Variants in BRWD1 observed in about 807,000 individuals in gnomAD.
The protein encoded by BRWD1 is bromodomain and WD repeat domain containing 1.
A neutral mutation model predicts 251.2 loss-of-function variants in BRWD1; 82 were observed. That is an observed-to-expected ratio of 0.33 (90% CI 0.27 to 0.39). The LOEUF (loss-of-function observed/expected upper bound fraction) is 0.39, where lower values mean the gene tolerates loss of function less well. Among genes scored for constraint, BRWD1 ranks in the 10% least tolerant of loss-of-function variants. The pLI is 1.00. For missense variants in BRWD1, 2,233 were observed against 2,711.6 expected (o/e 0.82, Z 3.92); for synonymous variants, 918 against 902.8 (o/e 1.02, Z -0.30).
intron 17 of BRWD1, among the ~76,000 whole-genome samples, chr21:39,261,258 G>A (rs1396801931): frequency 6.6e-6 from 1 of 152,124 alleles, no homozygotes; most frequent in Non-Finnish European, 1.5e-5. Flanking sequence ...ACTGTTATGT[G>A]TGCACATGGG....
chr21:39,278,913 T>G (rs1392363353), intron 9 of BRWD1, 100 bp from the exon 10 acceptor site: 5 of 972,652 alleles, frequency 5.1e-6, no homozygotes, highest in African/African-American at 3.4e-5. Flanking sequence ...TATTATAATT[T>G]TTTAAGAGAC....
intron 10 of BRWD1, chr21:39,278,366 A>G (rs11911886): frequency 0.014 from 2,365 of 174,184 alleles, 57 homozygotes; most frequent in African/African-American, 0.053. Flanking sequence ...CTGAAAAAGA[A>G]TAATTTCATC....
chr21:39,281,890 A>ATATG (rs10566010), intron 8 of BRWD1, among the ~76,000 whole-genome samples: 1 of 145,214 alleles, frequency 6.9e-6, no homozygotes, highest in African/African-American at 2.6e-5. Context: ...ATATATATAT[A>ATATG]TATGTATGTA....
intron 8 of BRWD1, among the ~76,000 whole-genome samples, chr21:39,282,026 GT>G (rs1212418581): frequency 1.3e-5 from 2 of 151,274 alleles, no homozygotes; most frequent in African/African-American, 4.9e-5. Context: ...ATACGTCTAT[GT>G]ATAAGTATAT....
At chr21:39,291,271 GTGAA>G (rs2035799680) in intron 8 of BRWD1, among the ~76,000 whole-genome samples, 1 of 152,122 alleles carries the variant, frequency 6.6e-6, no homozygotes, top group Non-Finnish European at 1.5e-5. Context: ...CACAGCCTAG[GTGAA>G]TGTGCATAAA....
chr21:39,187,751 T>C lies in BRWD1; in HGVS notation c.*8508A>G, dbSNP rs2031324729. The stretch of plus-strand genomic sequence containing the variant: ...TTTGAATTACTAAATCTTAACTTCA[T>C]TGTTCCAGTATTTTCTGACCTAGGT... On this transcript the variant is annotated 3_prime_UTR_variant, in exon 41 of 41. Transcript: ENST00000342449. The C allele has an allele frequency of 1.0e-6, 1 of 984,800 alleles. No homozygotes were observed. Among genetic ancestry groups the C allele is most frequent in the Non-Finnish European group, 1.2e-6 (1 of 829,376 alleles). 61.0% of individuals were successfully genotyped at this position (984,800 alleles called of 1,614,324 possible).
Position 39,258,487 on chromosome 21 carries a change from C to A in BRWD1, c.2071G>T (p.Gly691Cys). ...TAAAACATTTATCACTATTTATTAC[C>A]TCTCCGGGGTGTTTCTTCACCATTT... ...LSNGEETPRR[G>C]FRRLSLDIQS... Residue 691 changes from glycine (G) to cysteine (C), a missense_variant and splice_region_variant, in exon 18 of 41, where the codon GGT becomes TGT. This residue lies in a region of BRWD1 where 73 missense variants were observed against 68.1 expected (regional missense o/e 1.07). Transcript: ENST00000342449. The A allele has an allele frequency of 1.3e-6, 2 of 1,575,412 alleles. No homozygotes were observed. The highest frequency in any genetic ancestry group is 1.2e-5 in the South Asian group (1 of 84,080).
At chr21:39,313,641 G>GCCTCCGCGGGGCAGGAAGTAGTC (rs2036604425), upstream of BRWD1, 1 of 494,244 alleles carries the variant, frequency 2.0e-6, no homozygotes, top group African/African-American at 2.1e-5. Context: ...CTGGACCGAC[G>GCCTCCGCGGGGCAGGAAGTAGTC]CCTCCGCGGG....
intron 19 of BRWD1, among the ~76,000 whole-genome samples, chr21:39,251,474 G>A (rs926465005): frequency 7.2e-5 from 11 of 152,158 alleles, no homozygotes; most frequent in East Asian, 5.8e-4. Flanking sequence ...AAAACACGTG[G>A]CTTTTATGTT....
chr21:39,303,041 A>C (rs944565810), intron 4 of BRWD1, among the ~76,000 whole-genome samples: 1 of 152,062 alleles, frequency 6.6e-6, no homozygotes, highest in Non-Finnish European at 1.5e-5. Flanking sequence ...CCTGCACAAC[A>C]GAGACTCCGT....
chr21:39,241,189 G>T (rs531160098), intron 21 of BRWD1, among the ~76,000 whole-genome samples: 2 of 151,766 alleles, frequency 1.3e-5, no homozygotes, highest in South Asian at 4.2e-4. Flanking sequence ...AACAGGGCTG[G>T]GCATGGTGGC....
In BRWD1 at chr21:39,202,329, T is replaced by A. The variant is rs1374012707; in HGVS notation, c.4581A>T (p.Leu1527Phe). Reference sequence around the variant, plus strand: ...ACATAGTATTTCACTTCTCACCAGATAATGTAGAACCATTTGTTATAGGTC... The same window carrying A: ...ACATAGTATTTCACTTCTCACCAGAAAATGTAGAACCATTTGTTATAGGTC... Reference protein sequence around the residue: ...RNRPITNGSTLSESEVEDSLA... With the variant: ...RNRPITNGSTFSESEVEDSLA... Residue 1527 changes from leucine (L) to phenylalanine (F), a missense_variant, in exon 38 of 41, where the codon TTA becomes TTT. Leu to Phe is a conservative substitution (Grantham distance 22). Coordinates refer to ENST00000342449, the MANE Select transcript of BRWD1 (RefSeq NM_033656.4). The A allele has an allele frequency of 6.2e-7, 1 of 1,606,988 alleles. No individual in the cohort carries two copies. The highest frequency in any genetic ancestry group is 2.2e-5 in the East Asian group (1 of 44,776).
chr21:39,312,882 C>G lies in BRWD1; in HGVS notation c.157G>C (p.Asp53His). 6.4e-7 allele frequency: 1 copy of G among 1,563,366 alleles called. No individual in the cohort carries two copies. The highest frequency in any genetic ancestry group is 8.6e-7 in the Non-Finnish European group (1 of 1,157,698). The change falls in exon 4 of 41, where the codon GAC becomes CAC. Residue 53 changes from aspartate (D) to histidine (H), a missense_variant. By Grantham distance (81) the Asp-to-His change is moderately conservative (BLOSUM62 -1). This residue lies in a region of BRWD1 where 101 missense variants were observed against 95.6 expected (regional missense o/e 1.06). Coordinates refer to ENST00000342449, the MANE Select transcript of BRWD1 (RefSeq NM_033656.4). ...EQYQLLPKRL[D>H]WEGNEHNRSY... Reference sequence around the variant, plus strand: ...CTGTTGTGCTCGTTGCCCTCCCAGTCCAATCTCTTCGGCAACAACTGGAAA... The same window carrying G: ...CTGTTGTGCTCGTTGCCCTCCCAGTGCAATCTCTTCGGCAACAACTGGAAA...
chr21:39,201,952 T>TA (rs2032130559), intron 38 of BRWD1, among the ~76,000 whole-genome samples: 1 of 152,372 alleles, frequency 6.6e-6, no homozygotes, highest in East Asian at 1.9e-4. Flanking sequence ...CAGCTACAGT[T>TA]ATGCTACCAG....
Position 39,187,201 on chromosome 21 carries a change from C to T in BRWD1, c.*9058G>A. 1 of 1,613,392 alleles carries T rather than the reference C, an allele frequency of 6.2e-7. No individual in the cohort carries two copies. The highest frequency in any genetic ancestry group is 1.1e-5 in the South Asian group (1 of 90,866). On this transcript the variant is annotated 3_prime_UTR_variant, in exon 41 of 41. Transcript: ENST00000342449. Reference sequence around the variant, plus strand: ...ATTTCGATGGGGCAGTTTTCTGCTACTCTTCCTAATCCAGACATTTTCTGG... The same window carrying T: ...ATTTCGATGGGGCAGTTTTCTGCTATTCTTCCTAATCCAGACATTTTCTGG...
intron 4 of BRWD1, among the ~76,000 whole-genome samples, chr21:39,309,378 A>G (rs1396384643): frequency 6.6e-6 from 1 of 150,744 alleles, no homozygotes; most frequent in Non-Finnish European, 1.5e-5. Context: ...AGATTGCTTG[A>G]GCCTGGGAAA....
At chr21:39,259,566 G>C (rs1328347616) in intron 17 of BRWD1, among the ~76,000 whole-genome samples, 2 of 152,116 alleles carry the variant, frequency 1.3e-5, no homozygotes, top group African/African-American at 4.8e-5. Flanking sequence ...CCAAAGTGCT[G>C]GGATTACAGC....
intron 12 of BRWD1, 110 bp from the exon 13 acceptor site, chr21:39,274,582 A>G (rs2035221634): frequency 1.2e-6 from 1 of 864,772 alleles, no homozygotes; most frequent in Non-Finnish European, 1.9e-6. Context: ...TAACAACAGG[A>G]CAATCCACAG....
intron 4 of BRWD1, among the ~76,000 whole-genome samples, chr21:39,308,254 G>A (rs2146798557): frequency 6.6e-6 from 1 of 152,218 alleles, no homozygotes; most frequent in South Asian, 2.1e-4. Context: ...GGCCAATGCA[G>A]GTGGATCACT....
Sources: gnomAD v4.1 joint callset for allele counts (sites outside exome capture counted in the v4.1 genomes callset) on GRCh38, gnomAD v4.1.1 for gene constraint, gnomAD v4.1.1 regional missense constraint, MANE v1.5 for transcripts, NCBI Gene and HGNC (gene_info 2026-07-23, HGNC 2026-07-21) for gene names.